WDR19: variants seen among roughly 807,000 people sequenced by gnomAD.
WDR19 encodes the protein WD repeat-containing protein 19.
WDR19 carries 121 observed loss-of-function variants against 180.0 expected under a neutral mutation model. The observed-to-expected ratio is 0.67, with a 90% CI of 0.58 to 0.78. The LOEUF (loss-of-function observed/expected upper bound fraction) is 0.78, where lower values mean the gene tolerates loss of function less well. Ranked by LOEUF, WDR19 falls within the 30% of genes least tolerant of loss-of-function variation. The pLI is 0.00. For missense variants in WDR19, 1,450 were observed against 1,640.7 expected (o/e 0.88, Z 2.01); for synonymous variants, 497 against 540.7 (o/e 0.92, Z 1.12).
intron 5 of WDR19, among the ~76,000 whole-genome samples, chr4:39,199,246 T>C (rs1364160570): frequency 6.6e-6 from 1 of 152,230 alleles, no homozygotes; most frequent in Non-Finnish European, 1.5e-5. Context: ...AGAATATCTT[T>C]TTACATTAGG....
intron 25 of WDR19, 117 bp downstream of exon 25, chr4:39,253,409 C>T: frequency 8.4e-7 from 1 of 1,195,296 alleles, no homozygotes; most frequent in Non-Finnish European, 1.2e-6. Context: ...ATTTTTTTAT[C>T]AGGTCTAAGC....
intron 6 of WDR19, among the ~76,000 whole-genome samples, chr4:39,200,655 T>G (rs1428193385): frequency 6.6e-6 from 1 of 152,218 alleles, no homozygotes; most frequent in Non-Finnish European, 1.5e-5. Context: ...CATTCAAGAC[T>G]GAAGCTGCAT....
intron 32 of WDR19, 176 bp from the exon 33 acceptor site, chr4:39,274,632 C>A: frequency 1.5e-6 from 1 of 683,884 alleles, no homozygotes; most frequent in Non-Finnish European, 2.4e-6. Context: ...GGCAGTTAGC[C>A]TGACCCCACA....
intron 36 of WDR19, among the ~76,000 whole-genome samples, chr4:39,282,028 C>T (rs1197768506): frequency 4.6e-5 from 7 of 152,164 alleles, no homozygotes; most frequent in Admixed American, 4.6e-4. Context: ...AGTCTGGACC[C>T]TATTATAAAG....
intron 3 of WDR19, among the ~76,000 whole-genome samples, chr4:39,188,943 G>C (rs923603184): frequency 6.6e-6 from 1 of 151,276 alleles, no homozygotes; most frequent in Admixed American, 6.6e-5. Flanking sequence ...TTTTGGTAGA[G>C]ATGGGACCTT....
chr4:39,264,400 G>A (rs1734584752), intron 28 of WDR19, among the ~76,000 whole-genome samples: 1 of 152,218 alleles, frequency 6.6e-6, no homozygotes, highest in Non-Finnish European at 1.5e-5. Context: ...ATTGGTGAAA[G>A]CCTAGCTTTT....
At chr4:39,237,814 T>C (rs1372749920) in intron 20 of WDR19, 2 of 152,226 alleles carry the variant, frequency 1.3e-5, no homozygotes, top group Non-Finnish European at 2.9e-5. Context: ...TCTTAGAATA[T>C]AAAACTTCTG....
intron 28 of WDR19, among the ~76,000 whole-genome samples, chr4:39,263,734 T>C (rs6834043): frequency 6.6e-6 from 1 of 152,098 alleles, no homozygotes; most frequent in Non-Finnish European, 1.5e-5. Flanking sequence ...AGACCAGCCT[T>C]ACCAATATGG....
rs770091572 is a variant in WDR19 at position 39,244,539 on chromosome 4, C to T, written c.2632C>T (p.Arg878Cys). 55 of 1,613,846 alleles carry T rather than the reference C, an allele frequency of 3.4e-5. No individual in the cohort carries two copies. The highest frequency in any genetic ancestry group is 3.8e-5 in the Non-Finnish European group (45 of 1,179,876). Residue 878 changes from arginine (R) to cysteine (C), a missense_variant, in exon 23 of 37, where the codon CGC becomes TGC. Transcript: ENST00000399820. ...CGATAAAGCAGCATCTGTTTACATCCGCTCTAAGAATTGGTAAGAGCTGCC... is the reference window on the plus strand; with the variant it reads ...CGATAAAGCAGCATCTGTTTACATCTGCTCTAAGAATTGGTAAGAGCTGCC... ...YYDKAASVYI[R>C]SKNWAKVGDL... is the part of the protein sequence containing the mutation.
At chr4:39,285,116 GA>G (rs1424855930) in intron 36 of WDR19, among the ~76,000 whole-genome samples, 1 of 150,930 alleles carries the variant, frequency 6.6e-6, no homozygotes, top group African/African-American at 2.4e-5. Flanking sequence ...CTTATACAGT[GA>G]ATACTGGTTG....
At chr4:39,213,742 A>C (rs1420257319) in intron 9 of WDR19, among the ~76,000 whole-genome samples, 2 of 152,184 alleles carry the variant, frequency 1.3e-5, no homozygotes, top group Non-Finnish European at 2.9e-5. Flanking sequence ...CACACTAAGT[A>C]CAAGTAAAAC....
chr4:39,285,423 T>G (rs917424792), intron 36 of WDR19, 64 bp from the exon 37 acceptor site: 4 of 152,232 alleles, frequency 2.6e-5, no homozygotes, highest in African/African-American at 9.6e-5. Flanking sequence ...TTTGGCTTTA[T>G]TACTAAATGC....
intron 9 of WDR19, among the ~76,000 whole-genome samples, chr4:39,207,324 G>A (rs1288833664): frequency 2.0e-5 from 3 of 152,142 alleles, no homozygotes; most frequent in Non-Finnish European, 4.4e-5. Flanking sequence ...AGACCTATTA[G>A]ACAGTAACAA....
At chr4:39,267,758 G>A (rs1734958339) in intron 29 of WDR19, among the ~76,000 whole-genome samples, 1 of 152,058 alleles carries the variant, frequency 6.6e-6, no homozygotes, top group African/African-American at 2.4e-5. Context: ...TTCTTCCTAG[G>A]GTGGGTATGA....
intron 35 of WDR19, 72 bp from the exon 36 acceptor site, chr4:39,278,467 C>A: frequency 8.0e-7 from 1 of 1,250,498 alleles, no homozygotes; most frequent in Non-Finnish European, 1.1e-6. Context: ...TGTTGTCTTT[C>A]TCATTAGAGT....
chr4:39,262,352 C>T (rs750533638), intron 28 of WDR19, among the ~76,000 whole-genome samples: 13 of 152,182 alleles, frequency 8.5e-5, no homozygotes, highest in Non-Finnish European at 1.6e-4. Flanking sequence ...TCAAGCAATT[C>T]TCCCACCTTA....
rs1329996681 is a variant in WDR19 at position 39,234,793 on chromosome 4, A to G, written c.2281A>G (p.Ser761Gly). Residue 761 changes from serine to glycine, a missense_variant, in exon 20 of 37, where the codon AGT (serine) becomes GGT (glycine). Coordinates refer to ENST00000399820, the MANE Select transcript of WDR19 (RefSeq NM_025132.4). The stretch of plus-strand genomic sequence containing the variant: ...GAGAAGGGATTTACAGCATTGGGAC[A>G]GTGCTCTACAACTGGCAAAGCATTT... ...EMRRDLQHWD[S>G]ALQLAKHLAP... 1 of 1,582,854 alleles carries G rather than the reference A, an allele frequency of 6.3e-7. No individual in the cohort carries two copies. Among genetic ancestry groups the G allele is most frequent in the African/African-American group, 1.3e-5 (1 of 74,514 alleles).
At chr4:39,228,065 T>C in intron 15 of WDR19, 145 bp from the exon 16 acceptor site, 1 of 791,998 alleles carries the variant, frequency 1.3e-6, no homozygotes, top group Non-Finnish European at 1.9e-6. Context: ...AAAGAAACTT[T>C]CTTTCCTGTT....
intron 3 of WDR19, among the ~76,000 whole-genome samples, chr4:39,187,132 G>A (rs1314782587): frequency 6.6e-6 from 1 of 152,024 alleles, no homozygotes; most frequent in African/African-American, 2.4e-5. Context: ...TTATTAAGAT[G>A]TATAAAGGCT....
Sources: allele counts gnomAD v4.1 joint callset (sites outside exome capture counted in the v4.1 genomes callset), GRCh38; gene constraint gnomAD v4.1.1; transcripts MANE v1.5; gene names NCBI Gene and HGNC (gene_info 2026-07-23, HGNC 2026-07-21).